TMPRSS15: variants seen among roughly 807,000 people sequenced by gnomAD.
TMPRSS15 encodes the protein transmembrane serine protease 15.
Under a neutral mutation model 125.3 loss-of-function variants are expected in TMPRSS15, and 128 were observed. That is an observed-to-expected ratio of 1.02 (90% CI 0.89 to 1.18). TMPRSS15 has a LOEUF of 1.18. Among genes scored for constraint, TMPRSS15 ranks in the 50% most tolerant of loss-of-function variants. The pLI, the probability that TMPRSS15 is intolerant of heterozygous loss-of-function variation, is 0.00. For missense variants in TMPRSS15, 1,283 were observed against 1,212.7 expected (o/e 1.06, Z -0.86); for synonymous variants, 446 against 423.2 (o/e 1.05, Z -0.66).
chr21:18,357,485 T>C (rs2075637455), intron 8 of TMPRSS15, among the ~76,000 whole-genome samples: 1 of 151,860 alleles, frequency 6.6e-6, no homozygotes, highest in African/African-American at 2.4e-5. Flanking sequence ...ATTCCTTACA[T>C]TGTCTCTATA....
At chr21:18,423,586 T>A (rs1201809837) in intron 1 of TMPRSS15, among the ~76,000 whole-genome samples, 4 of 144,510 alleles carry the variant, frequency 2.8e-5, no homozygotes, top group African/African-American at 5.0e-5. Flanking sequence ...TTTTTTGTAT[T>A]TTTTTTTTTT....
At chr21:18,365,286 T>A in intron 6 of TMPRSS15, 38 bp from the exon 7 acceptor site, 2 of 1,518,044 alleles carry the variant, frequency 1.3e-6, no homozygotes, top group Non-Finnish European at 1.8e-6. Flanking sequence ...ACAAAAACAA[T>A]CTTGGGATTC....
intron 16 of TMPRSS15, among the ~76,000 whole-genome samples, chr21:18,317,986 CT>C (rs2075191118): frequency 6.6e-6 from 1 of 151,946 alleles, no homozygotes; most frequent in African/African-American, 2.4e-5. Context: ...TTTCACTACC[CT>C]GGTTTTTGAT....
At chr21:18,447,853 T>C (rs894868769) in intron 1 of TMPRSS15, among the ~76,000 whole-genome samples, 3 of 152,124 alleles carry the variant, frequency 2.0e-5, no homozygotes, top group Non-Finnish European at 4.4e-5. Flanking sequence ...AGGTCTTTAG[T>C]AGCAGCATGA....
At chr21:18,485,317 C>G (rs970142869) in intron 1 of TMPRSS15, among the ~76,000 whole-genome samples, 4 of 151,486 alleles carry the variant, frequency 2.6e-5, no homozygotes, top group Admixed American at 2.6e-4. Context: ...TTTTTTCTTG[C>G]CTTATTATAT....
chr21:18,318,379 G>A (rs1406182186), intron 16 of TMPRSS15, among the ~76,000 whole-genome samples: 1 of 152,022 alleles, frequency 6.6e-6, no homozygotes, highest in Non-Finnish European at 1.5e-5. Flanking sequence ...GCCAGAAGCT[G>A]GTGTTTGCCA....
chr21:18,316,027 AT>A (rs1300322401), intron 16 of TMPRSS15, among the ~76,000 whole-genome samples: 37 of 1,180 alleles, frequency 0.031, 1 homozygote, highest in African/African-American at 0.22. Flanking sequence ...ATAATAAAAT[AT>A]ATATATATAT....
In TMPRSS15 at chr21:18,361,027, C is replaced by A. The variant is rs1428540515; in HGVS notation, c.774-1164G>T. On this transcript the variant is annotated intron_variant, in intron 7 of 24. Transcript: ENST00000284885. ...AAGGACAGGGATTAATTCATTCATT[C>A]CTGTATTATCTAATACTTTGTAGAA... Among the ~76,000 whole-genome samples, 3 of 151,988 alleles carry A rather than the reference C, an allele frequency of 2.0e-5. No individual in the cohort carries two copies. The East Asian group carries it at 5.8e-4, about 29-fold the overall frequency.
intron 16 of TMPRSS15, among the ~76,000 whole-genome samples, chr21:18,325,588 T>A (rs1316394307): frequency 6.6e-6 from 1 of 152,028 alleles, no homozygotes; most frequent in Non-Finnish European, 1.5e-5. Flanking sequence ...GTGAAATACA[T>A]CAATTCCATA....
At chr21:18,375,506 A>G (rs977709318) in intron 5 of TMPRSS15, among the ~76,000 whole-genome samples, 5 of 152,216 alleles carry the variant, frequency 3.3e-5, no homozygotes, top group African/African-American at 1.2e-4. Context: ...GAGTTTATCA[A>G]TTCTAGTTAA....
chr21:18,382,628 ATAGT>A (rs1317513881), intron 4 of TMPRSS15, among the ~76,000 whole-genome samples: 4 of 152,340 alleles, frequency 2.6e-5, no homozygotes, highest in Non-Finnish European at 5.9e-5. Context: ...AACTAATTAA[ATAGT>A]TAGGCTATTT....
rs36165986 is a variant in TMPRSS15, at chr21:18,365,743, C to CTTTT, written c.665-499_665-496dup. Among the ~76,000 whole-genome samples the CTTTT allele has an allele frequency of 1.6e-3, 132 of 83,866 alleles. 7 individuals carry two copies. Among genetic ancestry groups the CTTTT allele is most frequent in the African/African-American group, 5.9e-3 (125 of 21,196 alleles). 55.0% of individuals were successfully genotyped at this position (83,866 alleles called of 152,430 possible). On this transcript the variant is annotated intron_variant, in intron 6 of 24. Coordinates refer to ENST00000284885, the MANE Select transcript of TMPRSS15 (RefSeq NM_002772.3). ...TTCTTTCTCTTCTTTCTCTTTTTTC[C>CTTTT]TTTTTTTTTTTTTTTTTGAGACAGA...
At chr21:18,402,899 C>G (rs1478868598) in intron 1 of TMPRSS15, among the ~76,000 whole-genome samples, 7 of 152,174 alleles carry the variant, frequency 4.6e-5, no homozygotes, top group Admixed American at 4.6e-4. Flanking sequence ...AAAGTTAGCT[C>G]TAACTAAGAG....
At chr21:18,357,286 C>A (rs2075635196) in intron 8 of TMPRSS15, among the ~76,000 whole-genome samples, 1 of 151,810 alleles carries the variant, frequency 6.6e-6, no homozygotes, top group Non-Finnish European at 1.5e-5. Context: ...TGATTTACTT[C>A]AATTTTCATA....
intron 18 of TMPRSS15, among the ~76,000 whole-genome samples, chr21:18,303,843 A>T (rs9984181): frequency 6.6e-6 from 1 of 152,156 alleles, no homozygotes; most frequent in Non-Finnish European, 1.5e-5. Context: ...GACAAAATAC[A>T]TATTAAAAAG....
Position 18,441,606 on chromosome 21 carries a change from C to CAA in TMPRSS15, c.11-43279_11-43278dup, listed in dbSNP as rs201137705. 7.2e-4 allele frequency among the ~76,000 whole-genome samples: 71 copies of CAA among 98,510 alleles called. 1 individual carries two copies. Among genetic ancestry groups the CAA allele is most frequent in the African/African-American group, 3.1e-3 (67 of 21,800 alleles). 64.6% of individuals were successfully genotyped at this position (98,510 alleles called of 152,430 possible). On this transcript the variant is annotated intron_variant, in intron 1 of 7. Transcript: ENST00000422787. Reference sequence around the variant, plus strand: ...TGGGTGACAGAGCAAGACTCCATCTCAAAAAAAAAAAAAAAAAAGAAAGAA... The same window carrying CAA: ...TGGGTGACAGAGCAAGACTCCATCTCAAAAAAAAAAAAAAAAAAAAGAAAGAA...
intron 21 of TMPRSS15, among the ~76,000 whole-genome samples, chr21:18,283,295 T>G: frequency 6.6e-6 from 1 of 152,178 alleles, no homozygotes; most frequent in East Asian, 1.9e-4. Flanking sequence ...TGGTCAGTTT[T>G]CACTTGAGTA....
chr21:18,280,403 C>A (rs1303848187), intron 22 of TMPRSS15, among the ~76,000 whole-genome samples: 3 of 151,782 alleles, frequency 2.0e-5, no homozygotes, highest in Non-Finnish European at 4.4e-5. Flanking sequence ...GGTGAAACCC[C>A]ATCTCTACTA....
chr21:18,398,353 A>T lies in TMPRSS15; in HGVS notation c.146-24T>A, dbSNP rs1246489391. On this transcript the variant is annotated intron_variant, in intron 1 of 24. Transcript: ENST00000284885. ...ACCTAGATAAATTAATAAGGAAAAA[A>T]CACTAAGATTTTGGATTATGAGTAG... 3 of 1,612,404 alleles carry T rather than the reference A, an allele frequency of 1.9e-6. No homozygotes were observed. The Admixed American group carries it at 5.0e-5, about 27-fold the overall frequency.
Sources: gnomAD v4.1 joint callset for allele counts (sites outside exome capture counted in the v4.1 genomes callset) on GRCh38, gnomAD v4.1.1 for gene constraint, MANE v1.5 for transcripts, NCBI Gene and HGNC (gene_info 2026-07-23, HGNC 2026-07-21) for gene names.